GOLGA3: variants seen among roughly 807,000 people sequenced by gnomAD.
The protein encoded by GOLGA3 is golgin A3.
Under a neutral mutation model 169.4 loss-of-function variants are expected in GOLGA3, and 75 were observed. The observed-to-expected ratio is 0.44, with a 90% CI of 0.37 to 0.54. The LOEUF (loss-of-function observed/expected upper bound fraction) is 0.54. GOLGA3 is among the 20% of genes least tolerant of loss of function. GOLGA3 has a pLI of 0.00. For missense variants in GOLGA3, 1,899 were observed against 1,930.0 expected, an observed-to-expected ratio of 0.98 and a Z score of 0.30; for synonymous variants, 824 against 822.4, an observed-to-expected ratio of 1.00 and a Z score of -0.03.
intron 11 of GOLGA3, among the ~76,000 whole-genome samples, chr12:132,792,991 T>G (rs1437195441): frequency 8.1e-6 from 1 of 123,362 alleles, no homozygotes; most frequent in African/African-American, 3.1e-5. Context: ...CTCGGAGGGC[T>G]CCACACAGAC....
At position 132,805,007 on chromosome 12, in the gene GOLGA3, C is replaced by T; in HGVS notation, c.1306G>A (p.Ala436Thr). 6.2e-7 allele frequency: 1 copy of T among 1,609,184 alleles called. No homozygotes were observed. Among genetic ancestry groups the T allele is most frequent in the Non-Finnish European group, 8.5e-7 (1 of 1,179,486 alleles). Residue 436 changes from alanine to threonine, a missense_variant, in exon 7 of 24, where the codon GCT becomes ACT. Physicochemically the swap from Ala to Thr is moderately conservative, Grantham distance 58. Coordinates refer to ENST00000450791, the MANE Select transcript of GOLGA3 (RefSeq NM_001389683.1). ...LEASQALKEKAELQAQLAALS... is the reference protein window; with the variant it reads ...LEASQALKEKTELQAQLAALS... ...GCGGCCAGCTGGGCCTGCAGCTCAG[C>T]CTTCTCTTTAAGTGCCTGAAAAGAT...
At chr12:132,810,593 G>C (rs1391896218) in intron 4 of GOLGA3, among the ~76,000 whole-genome samples, 2 of 152,166 alleles carry the variant, frequency 1.3e-5, no homozygotes, top group African/African-American at 4.8e-5. Context: ...AGGGGACACA[G>C]TGAGAAGTGA....
At chr12:132,810,812 C>G (rs919220269) in intron 4 of GOLGA3, among the ~76,000 whole-genome samples, 13 of 152,202 alleles carry the variant, frequency 8.5e-5, no homozygotes, top group East Asian at 1.9e-4. Context: ...GGCCTGACGT[C>G]AGTCAGGCCC....
intron 18 of GOLGA3, among the ~76,000 whole-genome samples, 194 bp downstream of exon 18, chr12:132,780,604 G>A (rs1024320859): frequency 1.3e-5 from 2 of 152,256 alleles, no homozygotes; most frequent in Non-Finnish European, 2.9e-5. Flanking sequence ...CCTCACAGCT[G>A]CACTGCCATT....
intron 17 of GOLGA3, among the ~76,000 whole-genome samples, chr12:132,781,367 G>A (rs1207506822): frequency 1.3e-5 from 2 of 152,112 alleles, no homozygotes; most frequent in East Asian, 1.9e-4. Flanking sequence ...AGACCATCCT[G>A]GCTAACACAG....
intron 8 of GOLGA3, among the ~76,000 whole-genome samples, chr12:132,799,893 A>C (rs1292075660): frequency 6.6e-6 from 1 of 151,920 alleles, no homozygotes; most frequent in Non-Finnish European, 1.5e-5. Context: ...GGCACTCACC[A>C]CCACACCTGG....
At chr12:132,806,741 G>A (rs895347206) in intron 6 of GOLGA3, among the ~76,000 whole-genome samples, 7 of 152,190 alleles carry the variant, frequency 4.6e-5, no homozygotes, top group Non-Finnish European at 8.8e-5. Flanking sequence ...ACAAAGGAGA[G>A]CTGAAATAAG....
chr12:132,804,324 A>G lies in GOLGA3; in HGVS notation c.1597+392T>C, dbSNP rs941354647. Among the ~76,000 whole-genome samples, 1 of 152,230 alleles carries G rather than the reference A, an allele frequency of 6.6e-6. No individual in the cohort carries two copies. The highest frequency in any genetic ancestry group is 1.5e-5 in the Non-Finnish European group (1 of 68,044). On this transcript the variant is annotated intron_variant, in intron 7 of 23. Transcript: ENST00000450791. This position sits in a 1 kb window ranked among gnomAD's most constrained non-coding sequence, Gnocchi z 4.1. ...ATCACCGCAGATACTCCAGGGTCCA[A>G]GGTCAATCTCCAAGACCTAATTCAT...
At chr12:132,815,588 T>C (rs1360562327) in intron 3 of GOLGA3, among the ~76,000 whole-genome samples, 1 of 152,206 alleles carries the variant, frequency 6.6e-6, no homozygotes, top group African/African-American at 2.4e-5. Flanking sequence ...TATTTAGTTT[T>C]AAGAAATTTT....
At chr12:132,775,101 C>A (rs754457710) in intron 22 of GOLGA3, 40 bp downstream of exon 22, 7 of 1,580,266 alleles carry the variant, frequency 4.4e-6, no homozygotes, top group South Asian at 3.4e-5. Flanking sequence ...GCATCTACAG[C>A]GCACGTCGGC....
Position 132,813,384 on chromosome 12 carries a change from C to T in GOLGA3, c.442G>A (p.Glu148Lys). ...TDSPLPLEKE[E>K]QVRLQARKWL... ...TTCCGAGCCTGAAGTCGGACCTGCTCCTCCTTCTCCAGGGGCAGGGGAGAA... is the reference window on the plus strand; with the variant it reads ...TTCCGAGCCTGAAGTCGGACCTGCTTCTCCTTCTCCAGGGGCAGGGGAGAA... The change falls in exon 4 of 24, where the codon GAG becomes AAG. Residue 148 changes from glutamate to lysine, a missense_variant. Transcript: ENST00000450791. 1 of 1,613,186 alleles carries T rather than the reference C, an allele frequency of 6.2e-7. No individual in the cohort carries two copies. The highest frequency in any genetic ancestry group is 8.5e-7 in the Non-Finnish European group (1 of 1,179,448).
chr12:132,785,893 G>A (rs912834371), intron 15 of GOLGA3, among the ~76,000 whole-genome samples: 2 of 152,174 alleles, frequency 1.3e-5, no homozygotes, highest in Admixed American at 6.5e-5. Context: ...CTGGGCCACC[G>A]CAGCATGGCT....
At chr12:132,791,610 C>T (rs2046237685) in intron 11 of GOLGA3, among the ~76,000 whole-genome samples, 1 of 147,674 alleles carries the variant, frequency 6.8e-6, no homozygotes, top group African/African-American at 2.5e-5. Flanking sequence ...AGTTGTTACA[C>T]TGAGGACTAT....
chr12:132,778,234 G>A lies in GOLGA3; in HGVS notation c.3583-429C>T, dbSNP rs1467258132. Among the ~76,000 whole-genome samples, 6 of 151,948 alleles carry A rather than the reference G, an allele frequency of 3.9e-5. No individual in the cohort carries two copies. The Middle Eastern group carries it at 0.01, about 258-fold the overall frequency. On this transcript the variant is annotated intron_variant, in intron 18 of 23. Transcript: ENST00000450791. ...CAGGCTGCAGGGGAGCTGTGATCGC[G>A]CCACTGCACTCCAGCTGGGGTGACA...
Position 132,777,118 on chromosome 12 carries a change from A to T in GOLGA3, c.3723-28T>A, listed in dbSNP as rs760852468. On this transcript the variant is annotated intron_variant, in intron 19 of 23. Transcript: ENST00000450791. This position sits in a 1 kb window ranked among gnomAD's most constrained non-coding sequence, Gnocchi z 4.7. ...AGCGTAAAAAAACAAGAAAGAAGGG[A>T]ATCGCCACGCTCCTCCAGTGTGCTG... is the stretch of plus-strand genomic sequence containing the variant. The T allele has an allele frequency of 5.1e-6, 8 of 1,558,232 alleles. No homozygotes were observed. The Admixed American group carries it at 1.6e-4, about 31-fold the overall frequency.
intron 18 of GOLGA3, among the ~76,000 whole-genome samples, chr12:132,779,858 TACAC>T (rs34953502): frequency 0.46 from 52,281 of 113,674 alleles, 11,482 homozygotes; most frequent in Middle Eastern, 0.62. Context: ...CCCGCGCACA[TACAC>T]ACACCTCAGG....
At chr12:132,780,689 T>C in intron 18 of GOLGA3, 109 bp downstream of exon 18, 3 of 738,348 alleles carry the variant, frequency 4.1e-6, no homozygotes, top group Non-Finnish European at 7.1e-6. Flanking sequence ...AACACACCTT[T>C]GCTCTGTGTA....
rs1336178451 is a variant in GOLGA3 at position 132,813,331 on chromosome 12, G to A, written c.495C>T (p.Tyr165=). The change falls in exon 4 of 24, where the codon TAC becomes TAT. Residue 165 remains tyrosine (Y), a synonymous_variant. Coordinates refer to ENST00000450791, the MANE Select transcript of GOLGA3 (RefSeq NM_001389683.1). ...RKWLEEQLKQ[Y]RVKRQQERSS... is the part of the protein sequence containing the mutation. ...CCCTCTCCTGCTGGCGCTTCACCCT[G>A]TACTGTTTGAGCTGCTCTTCCAGCC... 2.5e-6 allele frequency: 4 copies of A among 1,612,278 alleles called. No homozygotes were observed. The highest frequency in any genetic ancestry group is 3.4e-6 in the Non-Finnish European group (4 of 1,178,638).
chr12:132,780,830 C>G lies in GOLGA3; in HGVS notation c.3550G>C (p.Glu1184Gln). 6.2e-7 allele frequency: 1 copy of G among 1,611,904 alleles called. No homozygotes were observed. The highest frequency in any genetic ancestry group is 8.5e-7 in the Non-Finnish European group (1 of 1,179,742). Residue 1184 changes from glutamate (E) to glutamine (Q), a missense_variant, in exon 18 of 24, where the codon GAG (glutamate) becomes CAG (glutamine). Physicochemically the swap from Glu to Gln is conservative, Grantham distance 29. Transcript: ENST00000450791. ...TTGAGGCTGTTCACCTTCTCCTTCTCCTTCTCTAGTGAGGCCTGCAGGGCC... is the reference window on the plus strand; with the variant it reads ...TTGAGGCTGTTCACCTTCTCCTTCTGCTTCTCTAGTGAGGCCTGCAGGGCC... ...VQALQASLEK[E>Q]KEKVNSLKEQ...
Sources: allele counts gnomAD v4.1 joint callset (sites outside exome capture counted in the v4.1 genomes callset), GRCh38; gene constraint gnomAD v4.1.1; non-coding constraint Gnocchi (gnomAD v3.1); transcripts MANE v1.5; gene names NCBI Gene and HGNC (gene_info 2026-07-23, HGNC 2026-07-21).